The following GNG7 variants were observed in gnomAD, a reference collection of about 807,000 sequenced individuals.
GNG7 encodes the protein G protein subunit gamma 7, also known as guanine nucleotide-binding protein G(I)/G(S)/G(O) subunit gamma-7.
A neutral mutation model predicts 4.0 loss-of-function variants in GNG7; 1 was observed. The ratio of observed to expected loss-of-function variants is 0.25; its 90% CI spans 0.09 to 1.18. The LOEUF (loss-of-function observed/expected upper bound fraction) is 1.18. Ranked by LOEUF, GNG7 falls within the 50% of genes most tolerant of loss-of-function variation. The pLI is 0.50. For synonymous variants in GNG7, 34 were observed against 36.9 expected (o/e 0.92, Z 0.29); for missense variants, 86 against 91.9 (o/e 0.94, Z 0.26).
At chr19:2,602,124 G>T (rs112778120) in intron 2 of GNG7, among the ~76,000 whole-genome samples, 11,315 of 151,888 alleles carry the variant, frequency 0.074, 1,422 homozygotes, top group African/African-American at 0.26. Flanking sequence ...GTCACCTGAG[G>T]TCAGGAGTTC....
chr19:2,696,290 GAGAGAAAGAAAGAA>G (rs765689708), intron 1 of GNG7, among the ~76,000 whole-genome samples: 220 of 126,914 alleles, frequency 1.7e-3, no homozygotes, highest in Middle Eastern at 3.8e-3. Flanking sequence ...AAAAGAGAGA[GAGAGAAAGAAAGAA>G]AGAAAGAAAG....
At chr19:2,690,352 A>G (rs1913109504) in intron 1 of GNG7, among the ~76,000 whole-genome samples, 1 of 152,132 alleles carries the variant, frequency 6.6e-6, no homozygotes, top group Non-Finnish European at 1.5e-5. Flanking sequence ...CTGCACTCCA[A>G]CCTAGGTGAC....
At chr19:2,631,637 G>A (rs1439227986) in intron 2 of GNG7, among the ~76,000 whole-genome samples, 2 of 151,854 alleles carry the variant, frequency 1.3e-5, no homozygotes, top group Non-Finnish European at 2.9e-5. Flanking sequence ...AGTGGAGGGG[G>A]GAACTTGGCC....
chr19:2,585,953 G>A (rs1403989152), intron 2 of GNG7, among the ~76,000 whole-genome samples: 1 of 152,218 alleles, frequency 6.6e-6, no homozygotes, highest in African/African-American at 2.4e-5. Flanking sequence ...ACCCGCCTCG[G>A]CCTCCCAAAG....
At chr19:2,682,555 C>T (rs934860705) in intron 1 of GNG7, among the ~76,000 whole-genome samples, 6 of 147,734 alleles carry the variant, frequency 4.1e-5, no homozygotes. Flanking sequence ...CCCAGCTACT[C>T]AGGAGGCTGA....
intron 1 of GNG7, among the ~76,000 whole-genome samples, chr19:2,693,476 A>G (rs989902934): frequency 2.0e-5 from 3 of 152,058 alleles, no homozygotes; most frequent in African/African-American, 7.3e-5. Flanking sequence ...CTTTCAACTA[A>G]TTAACATACA....
At chr19:2,696,360 G>GA (rs1568287985) in intron 1 of GNG7, among the ~76,000 whole-genome samples, 48 of 142,346 alleles carry the variant, frequency 3.4e-4, no homozygotes, top group African/African-American at 1.2e-3. Flanking sequence ...AGAAAGAAAA[G>GA]AAAGAAAGAA....
intron 2 of GNG7, among the ~76,000 whole-genome samples, chr19:2,601,774 G>A (rs555212294): frequency 6.6e-6 from 1 of 152,070 alleles, no homozygotes; most frequent in Non-Finnish European, 1.5e-5. Flanking sequence ...GGGCATGGTG[G>A]TGTGAGCCTG....
At chr19:2,691,948 G>T (rs1913145091) in intron 1 of GNG7, among the ~76,000 whole-genome samples, 1 of 152,020 alleles carries the variant, frequency 6.6e-6, no homozygotes, top group East Asian at 1.9e-4. Flanking sequence ...GCAGAAATTG[G>T]ATCAATGAGG....
Position 2,530,864 on chromosome 19 carries a change from G to T in GNG7, c.-37-10139C>A, listed in dbSNP as rs1331402138. On this transcript the variant is annotated intron_variant, in intron 3 of 4. Transcript: ENST00000382159. The stretch of plus-strand genomic sequence containing the variant: ...TTGGGGTCACTTTTTCCTGGGGTTG[G>T]GAGGGTTTGCTGAGAGGCCGAGTGA... 3.9e-5 allele frequency among the ~76,000 whole-genome samples: 6 copies of T among 152,200 alleles called. 1 individual carries two copies. Among genetic ancestry groups the T allele is most frequent in the Non-Finnish European group, 8.8e-5 (6 of 68,042 alleles).
chr19:2,553,336 G>A (rs1979396864), intron 3 of GNG7, among the ~76,000 whole-genome samples: 1 of 148,576 alleles, frequency 6.7e-6, no homozygotes, highest in Non-Finnish European at 1.5e-5. Context: ...ATGGTTTCAG[G>A]TTCAGCTCAC....
intron 2 of GNG7, chr19:2,642,509 G>C (rs1323551338): frequency 2.9e-6 from 1 of 347,892 alleles, no homozygotes; most frequent in African/African-American, 2.1e-5. Flanking sequence ...GGGATTTCAG[G>C]TGTGCACCAC....
At chr19:2,648,569 C>T (rs1306719176) in intron 1 of GNG7, among the ~76,000 whole-genome samples, 1 of 152,174 alleles carries the variant, frequency 6.6e-6, no homozygotes, top group Non-Finnish European at 1.5e-5. Flanking sequence ...TTCCGTTCTA[C>T]GAGCTCAGGG....
At chr19:2,583,983 A>AT (rs763480403) in intron 2 of GNG7, among the ~76,000 whole-genome samples, 4 of 152,182 alleles carry the variant, frequency 2.6e-5, no homozygotes, top group Non-Finnish European at 4.4e-5. Flanking sequence ...TGTGGTGCAT[A>AT]TTTTTTAACA....
chr19:2,600,572 A>T (rs1408397377), intron 2 of GNG7, among the ~76,000 whole-genome samples: 3 of 151,266 alleles, frequency 2.0e-5, no homozygotes, highest in Admixed American at 1.3e-4. Context: ...CCTGGGTTCA[A>T]GTGATTCTCC....
intron 3 of GNG7, among the ~76,000 whole-genome samples, chr19:2,541,578 C>T (rs557577452): frequency 2.6e-5 from 4 of 151,208 alleles, no homozygotes; most frequent in Non-Finnish European, 5.9e-5. Flanking sequence ...ACTAAAAATA[C>T]AAAAAACAAA....
rs1972687334 is a variant in GNG7, at chr19:2,513,677, C to T, written c.*1345G>A. ...GCGACAGGGTAACGTTTTGAGCGGA[C>T]GTTTTGATCTCCGGGACAACGTCTC... On this transcript the variant is annotated 3_prime_UTR_variant, in exon 5 of 5. Transcript: ENST00000382159. The T allele has an allele frequency of 1.9e-6, 1 of 533,208 alleles. No homozygotes were observed. Among genetic ancestry groups the T allele is most frequent in the African/African-American group, 2.1e-5 (1 of 48,500 alleles). 33.0% of individuals were successfully genotyped at this position (533,208 alleles called of 1,614,324 possible).
intron 2 of GNG7, among the ~76,000 whole-genome samples, chr19:2,571,369 G>A (rs973685945): frequency 2.6e-5 from 4 of 152,040 alleles, no homozygotes; most frequent in African/African-American, 9.7e-5. Context: ...TGTTGGACAC[G>A]TGGGCAAAGA....
intron 2 of GNG7, among the ~76,000 whole-genome samples, chr19:2,591,534 C>T (rs1980851548): frequency 6.8e-6 from 1 of 147,304 alleles, no homozygotes. Flanking sequence ...TTCCAAACTC[C>T]CTATTGAGGC....
Sources: allele counts gnomAD v4.1 joint callset (sites outside exome capture counted in the v4.1 genomes callset), GRCh38; gene constraint gnomAD v4.1.1; transcripts MANE v1.5; gene names NCBI Gene and HGNC (gene_info 2026-07-23, HGNC 2026-07-21).